Variants in RBM39 observed in about 807,000 individuals in gnomAD.
RBM39 encodes the protein RNA-binding protein 39.
RBM39 carries 12 observed loss-of-function variants against 79.6 expected under a neutral mutation model. That is an observed-to-expected ratio of 0.15 (90% CI 0.10 to 0.24). The LOEUF (loss-of-function observed/expected upper bound fraction) is 0.24. Among genes scored for constraint, RBM39 ranks in the 10% least tolerant of loss-of-function variants. RBM39 has a pLI of 1.00. For synonymous variants in RBM39, 185 were observed against 208.4 expected (o/e 0.89, Z 0.97); for missense variants, 243 against 653.4 (o/e 0.37, Z 6.85).
chr20:35,736,763 G>C (rs2039966098), intron 3 of RBM39: 3 of 345,104 alleles, frequency 8.7e-6, no homozygotes, highest in South Asian at 2.3e-5. Flanking sequence ...CGATTCTCCT[G>C]CCTCAGCCTC....
At position 35,707,197 on chromosome 20, in the gene RBM39, T is replaced by A. The variant is rs111496722; in HGVS notation, c.1230A>T (p.Ser410=). The A allele has an allele frequency of 6.2e-7, 1 of 1,603,822 alleles. No individual in the cohort carries two copies. Among genetic ancestry groups the A allele is most frequent in the Non-Finnish European group, 8.5e-7 (1 of 1,173,274 alleles). Reference sequence around the variant, plus strand: ...GAACAGAGGCAGCTGCAGCTAAAGCTGAAGCTAAAAAAAGAAAGAGAAAAA... The same window carrying A: ...GAACAGAGGCAGCTGCAGCTAAAGCAGAAGCTAAAAAAAGAAAGAGAAAAA... ...QTRLSQQTEA[S]ALAAAASVQP... is the part of the protein sequence containing the mutation. The change falls in exon 14 of 17, where the codon TCA becomes TCT. Residue 410 remains serine (S), a synonymous_variant. Transcript: ENST00000253363.
At chr20:35,736,654 ATTT>A in intron 3 of RBM39, 1 of 458,972 alleles carries the variant, frequency 2.2e-6, no homozygotes, top group South Asian at 1.6e-5. Context: ...AGTATGACAG[ATTT>A]TTATGTTTGT....
chr20:35,725,962 C>T (rs1250675653), intron 6 of RBM39, among the ~76,000 whole-genome samples: 2 of 152,152 alleles, frequency 1.3e-5, no homozygotes, highest in South Asian at 4.2e-4. Context: ...CCGCACCCGG[C>T]CAACCCAAGC....
intron 2 of RBM39, chr20:35,740,306 T>A: frequency 3.3e-6 from 1 of 306,948 alleles, no homozygotes; most frequent in Middle Eastern, 7.8e-4. Flanking sequence ...CAGTCTTACA[T>A]AGATACATAA....
Position 35,702,208 on chromosome 20 carries a change from TAAAAG to T in RBM39, c.*2268_*2272del, listed in dbSNP as rs1387093971. 4 of 152,254 alleles carry T rather than the reference TAAAAG, an allele frequency of 2.6e-5. No homozygotes were observed. The highest frequency in any genetic ancestry group is 2.1e-4 in the South Asian group (1 of 4,822). The allele number at this position is 152,254 out of a possible 1,614,324, so 9.4% of individuals were successfully genotyped here. On this transcript the variant is annotated 3_prime_UTR_variant, in exon 17 of 17. Transcript: ENST00000253363. ...AAGATGGTAGTAATTATTATAAAGA[TAAAAG>T]AAAACTAGATGAACACTTTGGAACA...
chr20:35,735,414 T>C (rs887531948), intron 3 of RBM39, among the ~76,000 whole-genome samples: 9 of 152,224 alleles, frequency 5.9e-5, no homozygotes, highest in Non-Finnish European at 1.3e-4. Context: ...TACTATGAAG[T>C]GTATGTTAAG....
intron 13 of RBM39, chr20:35,708,068 C>CG: frequency 3.5e-6 from 1 of 287,948 alleles, no homozygotes; most frequent in Non-Finnish European, 7.2e-6. Flanking sequence ...AATATTACAC[C>CG]GAGAAATTAG....
intron 3 of RBM39, chr20:35,734,336 C>G: frequency 1.3e-6 from 1 of 793,258 alleles, no homozygotes; most frequent in Non-Finnish European, 1.9e-6. Flanking sequence ...AGGCTACACT[C>G]ATTATTTATA....
intron 8 of RBM39, among the ~76,000 whole-genome samples, chr20:35,724,170 A>G (rs2038361503): frequency 6.6e-6 from 1 of 152,012 alleles, no homozygotes; most frequent in Non-Finnish European, 1.5e-5. Flanking sequence ...CATCTCTACT[A>G]AAAACACAAA....
intron 14 of RBM39, 77 bp from the exon 15 acceptor site, chr20:35,705,407 T>A: frequency 1.2e-6 from 1 of 819,474 alleles, no homozygotes; most frequent in Non-Finnish European, 1.9e-6. Flanking sequence ...TCAAAAAATT[T>A]AAATATTCTA....
Position 35,702,454 on chromosome 20 carries a change from C to A in RBM39, c.*2027G>T, listed in dbSNP as rs1322737149. ...CACTCTGGTAGCAACTAAATTTTGG[C>A]ACAGATGAGATTAACCACTAAAGGC... is the stretch of plus-strand genomic sequence containing the variant. On this transcript the variant is annotated 3_prime_UTR_variant, in exon 17 of 17. Transcript: ENST00000253363. 2 of 145,996 alleles carry A rather than the reference C, an allele frequency of 1.4e-5. No individual in the cohort carries two copies. The highest frequency in any genetic ancestry group is 5.6e-5 in the African/African-American group (2 of 35,558). The allele number at this position is 145,996 out of a possible 1,614,324, so 9.0% of individuals were successfully genotyped here.
chr20:35,739,281 T>C (rs2040293345), intron 2 of RBM39: 1 of 480,722 alleles, frequency 2.1e-6, no homozygotes, highest in East Asian at 4.5e-5. Context: ...ATAGTTTAGA[T>C]ATTAAAAGTT....
At chr20:35,720,985 G>A (rs938157499) in intron 9 of RBM39, among the ~76,000 whole-genome samples, 11 of 152,194 alleles carry the variant, frequency 7.2e-5, no homozygotes, top group African/African-American at 2.7e-4. Flanking sequence ...AGGCCAGGCT[G>A]GAGTGCAGTG....
intron 14 of RBM39, among the ~76,000 whole-genome samples, chr20:35,705,733 G>A (rs2035640898): frequency 6.6e-6 from 1 of 151,894 alleles, no homozygotes; most frequent in Non-Finnish European, 1.5e-5. Flanking sequence ...AGGAGGCTGA[G>A]GTTGCAGTGA....
At chr20:35,728,438 A>G (rs549447674) in intron 6 of RBM39, among the ~76,000 whole-genome samples, 1 of 152,352 alleles carries the variant, frequency 6.6e-6, no homozygotes, top group Admixed American at 6.5e-5. Flanking sequence ...AAAAATAATA[A>G]ATGCAAAAAG....
chr20:35,724,726 GAAAGA>G lies in RBM39; in HGVS notation c.535-9_535-5del. On this transcript the variant is annotated splice_polypyrimidine_tract_variant and splice_region_variant and intron_variant, in intron 7 of 16. Coordinates refer to ENST00000253363, the MANE Select transcript of RBM39 (RefSeq NM_184234.3). The stretch of plus-strand genomic sequence containing the variant: ...AAATCATCCTCACATCTCGAACCTA[GAAAGA>G]AAACACAGTTGTTTGTGCAAACATC... 1 of 1,613,346 alleles carries G rather than the reference GAAAGA, an allele frequency of 6.2e-7. No homozygotes were observed.
chr20:35,713,211 T>G, intron 11 of RBM39, 115 bp from the exon 12 acceptor site: 1 of 844,058 alleles, frequency 1.2e-6, no homozygotes, highest in Non-Finnish European at 1.8e-6. Context: ...GGGCCGAGTG[T>G]GGTGGTTGAC....
intron 10 of RBM39, 146 bp downstream of exon 10, chr20:35,716,594 A>G: frequency 4.7e-6 from 3 of 638,362 alleles, no homozygotes; most frequent in Non-Finnish European, 8.3e-6. Context: ...TCGGACACAG[A>G]GGCTCAGTCC....
In RBM39 at chr20:35,729,850, A is replaced by AC. The variant is rs1194701406; in HGVS notation, c.297-324_297-323insG. On this transcript the variant is annotated intron_variant, in intron 4 of 16. Transcript: ENST00000253363. ...ATATACAGTCTTGAGAATTAAAAAA[A>AC]AAAAAACACACACACACATATATAA... is the stretch of plus-strand genomic sequence containing the variant. Among the ~76,000 whole-genome samples the AC allele has an allele frequency of 1.2e-3, 175 of 149,530 alleles. 2 individuals are homozygous for AC. The highest frequency in any genetic ancestry group is 4.3e-3 in the South Asian group (20 of 4,668).
Sources: allele counts gnomAD v4.1 joint callset (sites outside exome capture counted in the v4.1 genomes callset), GRCh38; gene constraint gnomAD v4.1.1; transcripts MANE v1.5; gene names NCBI Gene and HGNC (gene_info 2026-07-23, HGNC 2026-07-21).